SLC22A2: variants seen among roughly 807,000 people sequenced by gnomAD.
The protein encoded by SLC22A2 is solute carrier family 22 member 2.
In SLC22A2, 46 loss-of-function variants were observed where a neutral mutation model predicts 60.5. The observed-to-expected ratio is 0.76, with a 90% confidence interval of 0.60 to 0.97. The LOEUF (loss-of-function observed/expected upper bound fraction) is 0.97. Among genes scored for constraint, SLC22A2 ranks in the 50% least tolerant of loss-of-function variants. The pLI is 0.00. For synonymous variants in SLC22A2, 303 were observed against 267.0 expected, an observed-to-expected ratio of 1.13 and a Z score of -1.31; for missense variants, 701 against 706.6, an observed-to-expected ratio of 0.99 and a Z score of 0.09.
intron 9 of SLC22A2, among the ~76,000 whole-genome samples, chr6:160,235,598 T>C (rs1172891559): frequency 1.0e-5 from 1 of 96,080 alleles, no homozygotes; most frequent in Non-Finnish European, 2.3e-5. Context: ...AAAGAAATTC[T>C]GTGTGTGAAT....
At chr6:160,258,275 C>T (rs1583403417) in intron 1 of SLC22A2, 69 bp downstream of exon 1, 5 of 1,514,282 alleles carry the variant, frequency 3.3e-6, no homozygotes, top group Non-Finnish European at 4.4e-6. Context: ...CCGGGCCTTC[C>T]CTGCTTGCTT....
At chr6:160,233,766 C>T (rs1782864049) in intron 9 of SLC22A2, among the ~76,000 whole-genome samples, 2 of 151,862 alleles carry the variant, frequency 1.3e-5, no homozygotes, top group African/African-American at 4.9e-5. Context: ...TTAATCTCTC[C>T]CACTCTAGGT....
At chr6:160,227,578 A>G (rs1782743838) in intron 9 of SLC22A2, among the ~76,000 whole-genome samples, 1 of 152,218 alleles carries the variant, frequency 6.6e-6, no homozygotes. Context: ...CAAGTCACTC[A>G]TATTTGGTCA....
At position 160,239,520 on chromosome 6, in the gene SLC22A2, G is replaced by A. The variant is rs139804570; in HGVS notation, c.1501+1954C>T. ...TGGGTCAGGACCTCTTTCCAGTAAC[G>A]AAGTAACCATCTGCTATCCAGAAAT... On this transcript the variant is annotated intron_variant, in intron 9 of 10. Transcript: ENST00000366953. Among the ~76,000 whole-genome samples the A allele has an allele frequency of 4.0e-3, 606 of 152,264 alleles. 4 individuals are homozygous for A. The highest frequency in any genetic ancestry group is 0.017 in the Middle Eastern group (5 of 294).
chr6:160,249,128 C>A, intron 4 of SLC22A2, 88 bp downstream of exon 4: 2 of 884,220 alleles, frequency 2.3e-6, no homozygotes, highest in South Asian at 3.7e-5. Flanking sequence ...ATCTCAGAAT[C>A]AGAAAGATAG....
rs1336759190 is a variant in SLC22A2 at position 160,239,032 on chromosome 6, C to G, written c.1501+2442G>C. Among the ~76,000 whole-genome samples the G allele has an allele frequency of 2.0e-5, 3 of 152,104 alleles. No individual in the cohort carries two copies. In the South Asian group the frequency reaches 6.2e-4, roughly 32 times the overall value. ...GCAAAAGACACAGGGTCACAAAGAC[C>G]TTGGTGATAAAACAGGAAGTGGTAA... On this transcript the variant is annotated intron_variant, in intron 9 of 10. Transcript: ENST00000366953.
At chr6:160,230,313 G>A (rs371236298) in intron 9 of SLC22A2, among the ~76,000 whole-genome samples, 9 of 151,956 alleles carry the variant, frequency 5.9e-5, no homozygotes, top group East Asian at 3.9e-4. Context: ...AGCTAAAGGC[G>A]TAGTCAAGGT....
Position 160,256,623 on chromosome 6 carries a change from A to C in SLC22A2, c.509T>G (p.Ile170Arg). Residue 170 changes from isoleucine (I) to arginine (R), a missense_variant, in exon 2 of 11, where the codon ATA becomes AGA. Physicochemically the swap from Ile to Arg is moderately conservative, Grantham distance 97. Transcript: ENST00000366953. ...FFIGSMSIGYIADRFGRKLCL... is the reference protein window; with the variant it reads ...FFIGSMSIGYRADRFGRKLCL... ...AGGTGATTCAACCTACCTGTCTGCT[A>C]TGTAGCCGATACTCATAGAGCCAAT... 1 of 1,610,280 alleles carries C rather than the reference A, an allele frequency of 6.2e-7. No individual in the cohort carries two copies. Among genetic ancestry groups the C allele is most frequent in the South Asian group, 1.1e-5 (1 of 90,968 alleles).
intron 10 of SLC22A2, among the ~76,000 whole-genome samples, chr6:160,223,486 C>G (rs1005201092): frequency 6.6e-6 from 1 of 152,136 alleles, no homozygotes; most frequent in Non-Finnish European, 1.5e-5. Flanking sequence ...TCTTGGAGAA[C>G]TTTCCTTGTC....
In SLC22A2 at chr6:160,243,639, A is replaced by T; in HGVS notation, c.1212T>A (p.Arg404=). ...IILTIDRIGR[R]YPWAASNMVA... ...CCATATTTGATGCAGCCCAAGGGTA[A>T]CGGCGTCCGATGCGGTCGATGGTGA... The change falls in exon 7 of 11, where the codon CGT becomes CGA. Residue 404 remains arginine (R), a synonymous_variant. Transcript: ENST00000366953. The T allele has an allele frequency of 6.2e-7, 1 of 1,614,082 alleles. No individual in the cohort carries two copies. The highest frequency in any genetic ancestry group is 8.5e-7 in the Non-Finnish European group (1 of 1,179,978).
intron 10 of SLC22A2, among the ~76,000 whole-genome samples, chr6:160,220,791 ATCT>A (rs1285821209): frequency 6.6e-6 from 1 of 152,162 alleles, no homozygotes; most frequent in Non-Finnish European, 1.5e-5. Flanking sequence ...TTTGAAAGCA[ATCT>A]TCTTTTCTAA....
intron 1 of SLC22A2, 77 bp from the exon 2 acceptor site, chr6:160,256,794 T>C: frequency 1.1e-6 from 1 of 922,130 alleles, no homozygotes; most frequent in Non-Finnish European, 1.8e-6. Context: ...TGGACATAAC[T>C]CAGCTAGGGT....
At chr6:160,225,626 T>C (rs1291842660) in intron 9 of SLC22A2, among the ~76,000 whole-genome samples, 1 of 152,206 alleles carries the variant, frequency 6.6e-6, no homozygotes, top group Non-Finnish European at 1.5e-5. Context: ...TTTCTGATGC[T>C]CCAGACATTC....
At chr6:160,217,707 T>C (rs1179253900) in intron 10 of SLC22A2, among the ~76,000 whole-genome samples, 1 of 152,146 alleles carries the variant, frequency 6.6e-6, no homozygotes, top group Non-Finnish European at 1.5e-5. Context: ...TTCCTAAAAT[T>C]ATCTTGTTGA....
intron 9 of SLC22A2, among the ~76,000 whole-genome samples, chr6:160,225,384 T>C (rs1290072146): frequency 6.6e-6 from 1 of 152,224 alleles, no homozygotes; most frequent in African/African-American, 2.4e-5. Context: ...AAAGTTTTGA[T>C]CTTTTAAAGT....
intron 2 of SLC22A2, among the ~76,000 whole-genome samples, chr6:160,252,181 A>AT (rs1309565949): frequency 6.6e-6 from 1 of 152,166 alleles, no homozygotes; most frequent in Admixed American, 6.5e-5. Context: ...TCTCAACTTA[A>AT]TTTTTTAGCA....
chr6:160,232,653 C>A (rs1583393304), intron 9 of SLC22A2, among the ~76,000 whole-genome samples: 1 of 151,850 alleles, frequency 6.6e-6, no homozygotes, highest in East Asian at 1.9e-4. Context: ...CAAAAGGCAC[C>A]AGATCCCATC....
At chr6:160,241,699 G>T (rs1472910503) in intron 8 of SLC22A2, 113 bp from the exon 9 acceptor site, 1 of 679,298 alleles carries the variant, frequency 1.5e-6, no homozygotes, top group Non-Finnish European at 2.5e-6. Context: ...AAGAGCTATA[G>T]TGTACACTGC....
Position 160,247,195 on chromosome 6 carries a change from C to T in SLC22A2, c.946G>A (p.Ala316Thr), listed in dbSNP as rs751147521. ...AGGCCCTGGCTCACCTGAAGGGAGG[C>T]GGGTAGAGATTTTCCATTTTTCTTT... ...IAKKNGKSLP[A>T]SLQRLRLEEE... Residue 316 changes from alanine to threonine, a missense_variant, in exon 5 of 11, where the codon GCC becomes ACC. Coordinates refer to ENST00000366953, the MANE Select transcript of SLC22A2 (RefSeq NM_003058.4). 42 of 1,594,846 alleles carry T rather than the reference C, an allele frequency of 2.6e-5. No individual in the cohort carries two copies. Among genetic ancestry groups the T allele is most frequent in the East Asian group, 4.5e-5 (2 of 44,754 alleles).
Sources: gnomAD v4.1 joint callset for allele counts (sites outside exome capture counted in the v4.1 genomes callset) on GRCh38, gnomAD v4.1.1 for gene constraint, MANE v1.5 for transcripts, NCBI Gene and HGNC (gene_info 2026-07-23, HGNC 2026-07-21) for gene names.